The following PIWIL2 variants were observed in gnomAD, a reference collection of about 807,000 sequenced individuals.
PIWIL2 encodes the protein piwi like RNA-mediated gene silencing 2.
PIWIL2 carries 81 observed loss-of-function variants against 116.5 expected under a neutral mutation model. The observed-to-expected ratio is 0.70, with a 90% CI of 0.58 to 0.84. PIWIL2 has a LOEUF of 0.84. Ranked by LOEUF, PIWIL2 falls within the 40% of genes least tolerant of loss-of-function variation. The pLI, the probability that PIWIL2 is intolerant of heterozygous loss-of-function variation, is 0.00. For missense variants in PIWIL2, 1,272 were observed against 1,212.3 expected, an observed-to-expected ratio of 1.05 and a Z score of -0.73; for synonymous variants, 489 against 429.5, an observed-to-expected ratio of 1.14 and a Z score of -1.71.
chr8:22,305,168 T>TATTCATTC (rs879862034), intron 12 of PIWIL2, among the ~76,000 whole-genome samples: 1 of 139,322 alleles, frequency 7.2e-6, no homozygotes, highest in Admixed American at 7.8e-5. Flanking sequence ...AAGGTATAGA[T>TATTCATTC]ATTCATTTAT....
At chr8:22,315,204 C>T in intron 18 of PIWIL2, 59 bp downstream of exon 18, 1 of 950,154 alleles carries the variant, frequency 1.1e-6, no homozygotes, top group Non-Finnish European at 1.7e-6. Context: ...AGCTGTTTTC[C>T]TGTTTTTCCT....
intron 20 of PIWIL2, among the ~76,000 whole-genome samples, chr8:22,339,694 C>T (rs886733390): frequency 3.9e-5 from 6 of 152,248 alleles, no homozygotes; most frequent in African/African-American, 7.2e-5. Flanking sequence ...TAAAAGACAA[C>T]GCATAGAATG....
intron 10 of PIWIL2, among the ~76,000 whole-genome samples, chr8:22,296,928 T>C (rs1362907733): frequency 1.3e-5 from 2 of 151,372 alleles, no homozygotes; most frequent in Non-Finnish European, 3.0e-5. Flanking sequence ...AAATTCTGGA[T>C]TTGGCAGTTA....
intron 18 of PIWIL2, among the ~76,000 whole-genome samples, chr8:22,315,470 C>T (rs1157890261): frequency 6.6e-6 from 1 of 150,802 alleles, no homozygotes; most frequent in Non-Finnish European, 1.5e-5. Flanking sequence ...GTGCCCGCCA[C>T]CATACCCAGC....
At chr8:22,276,290 C>T (rs1286702014) in intron 1 of PIWIL2, among the ~76,000 whole-genome samples, 2 of 152,178 alleles carry the variant, frequency 1.3e-5, no homozygotes, top group Non-Finnish European at 2.9e-5. Flanking sequence ...TTCTCTGTAG[C>T]TAATACTTAA....
rs1021591674 is a variant in PIWIL2, at chr8:22,311,274, A to G, written c.1963A>G (p.Thr655Ala). Residue 655 changes from threonine (T) to alanine (A), a missense_variant, in exon 16 of 23, where the codon ACC becomes GCC. Coordinates refer to ENST00000356766, the MANE Select transcript of PIWIL2 (RefSeq NM_018068.5). ...KDDRIETYVRTIQSTLGAEGK... is the reference protein window; with the variant it reads ...KDDRIETYVRAIQSTLGAEGK... ...TGACCGAATAGAGACTTATGTCAGAACCATTCAATCCACGTTAGGAGCTGA... is the reference window on the plus strand; with the variant it reads ...TGACCGAATAGAGACTTATGTCAGAGCCATTCAATCCACGTTAGGAGCTGA... 1 of 1,612,974 alleles carries G rather than the reference A, an allele frequency of 6.2e-7. No homozygotes were observed. Among genetic ancestry groups the G allele is most frequent in the Non-Finnish European group, 8.5e-7 (1 of 1,179,666 alleles).
chr8:22,331,447 A>G lies in PIWIL2; in HGVS notation c.2403+13172A>G, dbSNP rs530862260. On this transcript the variant is annotated intron_variant, in intron 20 of 22. Transcript: ENST00000356766. ...CAGTGAGCCATGATCGCATTACTGC[A>G]CTCCCTCTTTCAACAGAGCGAGACC... is the stretch of plus-strand genomic sequence containing the variant. 1.5e-4 allele frequency among the ~76,000 whole-genome samples: 23 copies of G among 151,944 alleles called. No individual in the cohort carries two copies. In the South Asian group the frequency reaches 4.6e-3, roughly 30 times the overall value.
rs776178386 is a variant in PIWIL2, at chr8:22,276,402, G to A, written c.-47+1004G>A. On this transcript the variant is annotated intron_variant, in intron 1 of 22. Transcript: ENST00000356766. ...GTGATCTCTGCTCACTGCAACCTCC[G>A]CCTCCCAGGTTCAAGCGATTCTCCT... 2.6e-5 allele frequency among the ~76,000 whole-genome samples: 4 copies of A among 152,286 alleles called. No individual in the cohort carries two copies. The East Asian group carries it at 7.7e-4, about 29-fold the overall frequency.
intron 10 of PIWIL2, among the ~76,000 whole-genome samples, chr8:22,291,604 T>C (rs1830769750): frequency 6.6e-6 from 1 of 152,216 alleles, no homozygotes; most frequent in South Asian, 2.1e-4. Flanking sequence ...TATAATATGA[T>C]AGTTAACTGT....
intron 6 of PIWIL2, among the ~76,000 whole-genome samples, chr8:22,285,243 C>G (rs1453642900): frequency 6.6e-6 from 1 of 152,182 alleles, no homozygotes. Flanking sequence ...AACCCCCAGC[C>G]TCTGGTAGCC....
At position 22,289,571 on chromosome 8, in the gene PIWIL2, A is replaced by G. The variant is rs550388279; in HGVS notation, c.987-276A>G. Among the ~76,000 whole-genome samples the G allele has an allele frequency of 2.0e-5, 3 of 152,364 alleles. No homozygotes were observed. In the East Asian group the frequency reaches 5.8e-4, roughly 29 times the overall value. On this transcript the variant is annotated intron_variant, in intron 8 of 22. Coordinates refer to ENST00000356766, the MANE Select transcript of PIWIL2 (RefSeq NM_018068.5). ...CTTGCATTCTTCGTAGTTAGTGGTG[A>G]AAAGTAACGTAATAAAACCTTGGAA...
chr8:22,278,327 C>T (rs1017081490), intron 1 of PIWIL2, among the ~76,000 whole-genome samples: 1 of 152,128 alleles, frequency 6.6e-6, no homozygotes. Flanking sequence ...TGAGACCAGC[C>T]TTGGCAACGT....
At chr8:22,288,130 C>G (rs1245343360) in intron 7 of PIWIL2, among the ~76,000 whole-genome samples, 1 of 152,094 alleles carries the variant, frequency 6.6e-6, no homozygotes, top group East Asian at 1.9e-4. Flanking sequence ...AACCCTGTCT[C>G]TACTAAAAAT....
chr8:22,318,752 G>C (rs1831527192), intron 20 of PIWIL2, among the ~76,000 whole-genome samples: 1 of 152,178 alleles, frequency 6.6e-6, no homozygotes, highest in African/African-American at 2.4e-5. Context: ...CCTCCTTTCA[G>C]GCTTCAGCTT....
At chr8:22,351,527 T>G (rs1397188174) in intron 20 of PIWIL2, among the ~76,000 whole-genome samples, 5 of 131,390 alleles carry the variant, frequency 3.8e-5, no homozygotes, top group African/African-American at 5.5e-5. Context: ...TTTTTGGTGT[T>G]TTTTTTTTGT....
In PIWIL2 at chr8:22,304,836, A is replaced by C. The variant is rs1008938975; in HGVS notation, c.1423A>C (p.Arg475=). The C allele has an allele frequency of 1.2e-6, 2 of 1,612,228 alleles. No individual in the cohort carries two copies. Among genetic ancestry groups the C allele is most frequent in the African/African-American group, 2.7e-5 (2 of 74,910 alleles). ...AGAGGACCAGCCATTGCTGATTCAC[A>C]GGCCCAGTGAGAGACAGGATAATCA... The part of the protein sequence containing the change: ...KEEDQPLLIH[R]PSERQDNHGM... Residue 475 remains arginine (R), a synonymous_variant, in exon 12 of 23, where the codon AGG becomes CGG. Coordinates refer to ENST00000356766, the MANE Select transcript of PIWIL2 (RefSeq NM_018068.5).
At chr8:22,332,123 G>A (rs1448743116) in intron 20 of PIWIL2, among the ~76,000 whole-genome samples, 3 of 151,962 alleles carry the variant, frequency 2.0e-5, no homozygotes, top group African/African-American at 7.3e-5. Context: ...TGGCCAACAT[G>A]GTGAAACCCC....
At chr8:22,342,329 T>G (rs554465101) in intron 20 of PIWIL2, among the ~76,000 whole-genome samples, 1 of 152,172 alleles carries the variant, frequency 6.6e-6, no homozygotes, top group Non-Finnish European at 1.5e-5. Context: ...GGTTTAAGGA[T>G]AGCCAACACA....
chr8:22,297,783 A>G (rs541378564), intron 10 of PIWIL2, among the ~76,000 whole-genome samples: 1 of 152,170 alleles, frequency 6.6e-6, no homozygotes, highest in African/African-American at 2.4e-5. Context: ...AAATTTTTAC[A>G]GTTGGGTTGC....
Sources: gnomAD v4.1 joint callset for allele counts (sites outside exome capture counted in the v4.1 genomes callset) on GRCh38, gnomAD v4.1.1 for gene constraint, MANE v1.5 for transcripts, NCBI Gene and HGNC (gene_info 2026-07-23, HGNC 2026-07-21) for gene names.